LAMP3: variants seen among roughly 807,000 people sequenced by gnomAD.
LAMP3 encodes lysosome associated membrane protein 3, also known as lysosome-associated membrane glycoprotein 3.
Under a neutral mutation model 34.8 loss-of-function variants are expected in LAMP3, and 26 were observed. The observed-to-expected ratio is 0.75, with a 90% CI of 0.55 to 1.04. The LOEUF (loss-of-function observed/expected upper bound fraction) is 1.04. LAMP3 is among the 50% of genes least tolerant of loss of function. The pLI, the probability that LAMP3 is intolerant of heterozygous loss-of-function variation, is 0.00. For missense variants in LAMP3, 495 were observed against 524.0 expected (o/e 0.94, Z 0.54); for synonymous variants, 180 against 201.9 (o/e 0.89, Z 0.92).
chr3:183,158,295 G>A (rs993839289), intron 1 of LAMP3, among the ~76,000 whole-genome samples: 11 of 152,110 alleles, frequency 7.2e-5, no homozygotes, highest in African/African-American at 2.7e-4. Context: ...TGTCGAAATT[G>A]GGTCACAGTT....
intron 3 of LAMP3, among the ~76,000 whole-genome samples, chr3:183,146,780 G>C (rs1053606707): frequency 6.6e-6 from 1 of 151,576 alleles, no homozygotes; most frequent in African/African-American, 2.4e-5. Flanking sequence ...CACCCACCTC[G>C]GCCTCCCAAA....
At chr3:183,132,614 T>A (rs560698787) in intron 5 of LAMP3, 2 of 985,220 alleles carry the variant, frequency 2.0e-6, no homozygotes, top group Admixed American at 6.2e-5. Context: ...ACACCTGGCA[T>A]GGCCTCCCCA....
intron 3 of LAMP3, among the ~76,000 whole-genome samples, chr3:183,145,582 C>CAGTG (rs1303040422): frequency 6.6e-6 from 1 of 152,160 alleles, no homozygotes; most frequent in Non-Finnish European, 1.5e-5. Flanking sequence ...GGGCTGGGCA[C>CAGTG]AGTGGCTCAC....
chr3:183,124,097 C>T lies in LAMP3; in HGVS notation c.1235G>A (p.Gly412Glu), dbSNP rs370498587. ...GGGCAACAATTAGATTCTCTGGTAT[C>T]CAGATGATTGACACCTTAGGCGGAT... ...YKIRLRCQSS[G>E]YQRI The change falls in exon 6 of 6, where the codon GGA (glycine) becomes GAA (glutamate). Residue 412 changes from glycine (G) to glutamate (E), a missense_variant. Physicochemically the swap from Gly to Glu is moderately conservative, Grantham distance 98. Transcript: ENST00000265598. 11 of 1,613,966 alleles carry T rather than the reference C, an allele frequency of 6.8e-6. No homozygotes were observed. The African/African-American group carries it at 1.5e-4, about 22-fold the overall frequency.
intron 1 of LAMP3, among the ~76,000 whole-genome samples, chr3:183,156,112 C>T (rs756150994): frequency 3.7e-4 from 56 of 152,192 alleles, no homozygotes; most frequent in Non-Finnish European, 7.3e-4. Flanking sequence ...GTAATCCCAA[C>T]ACTTTGGGAG....
chr3:183,149,122 T>C (rs1720533621), intron 3 of LAMP3, among the ~76,000 whole-genome samples: 1 of 152,036 alleles, frequency 6.6e-6, no homozygotes, highest in African/African-American at 2.4e-5. Context: ...TCTCACTTAT[T>C]TGTGGAAATT....
chr3:183,153,002 C>T (rs1344394064), intron 2 of LAMP3, among the ~76,000 whole-genome samples: 6 of 151,854 alleles, frequency 4.0e-5, no homozygotes, highest in Non-Finnish European at 8.8e-5. Context: ...TAGTGAAACC[C>T]CGTCTCTACT....
intron 4 of LAMP3, among the ~76,000 whole-genome samples, chr3:183,136,665 A>AAAG (rs1553874646): frequency 6.8e-6 from 1 of 146,066 alleles, no homozygotes; most frequent in African/African-American, 2.6e-5. Context: ...AAAAAAAAAA[A>AAAG]AAAAACAACT....
At chr3:183,140,742 A>G in intron 3 of LAMP3, 147 bp from the exon 4 acceptor site, 1 of 517,600 alleles carries the variant, frequency 1.9e-6, no homozygotes, top group Non-Finnish European at 3.5e-6. Flanking sequence ...ATTGTGTATG[A>G]AAATTCCAAA....
At chr3:183,146,904 G>A (rs1467238164) in intron 3 of LAMP3, among the ~76,000 whole-genome samples, 1 of 151,590 alleles carries the variant, frequency 6.6e-6, no homozygotes, top group Non-Finnish European at 1.5e-5. Context: ...GCCTTATCTG[G>A]AACAATCAGA....
chr3:183,161,209 G>A (rs1397636444), intron 1 of LAMP3, among the ~76,000 whole-genome samples: 1 of 152,032 alleles, frequency 6.6e-6, no homozygotes, highest in African/African-American at 2.4e-5. Context: ...GAAGGGTCAG[G>A]GCAAGGGTTT....
At chr3:183,162,745 C>G (rs1207409987), upstream of LAMP3, 1 of 1,216,072 alleles carries the variant, frequency 8.2e-7, no homozygotes. Context: ...GCCGGAGAAA[C>G]GAAACCACCT....
chr3:183,140,070 C>G (rs966046372), intron 4 of LAMP3, among the ~76,000 whole-genome samples: 3 of 152,116 alleles, frequency 2.0e-5, no homozygotes, highest in African/African-American at 7.2e-5. Context: ...GTAGTAAAGT[C>G]CCCCAAAATC....
intron 2 of LAMP3, among the ~76,000 whole-genome samples, chr3:183,153,442 G>C (rs2108611624): frequency 6.6e-6 from 1 of 152,266 alleles, no homozygotes; most frequent in Non-Finnish European, 1.5e-5. Flanking sequence ...CTAAAAGTGA[G>C]GTGTGTGAAT....
rs184309305 is a variant in LAMP3, at chr3:183,125,948, G to A, written c.1118-1734C>T. Among the ~76,000 whole-genome samples the A allele has an allele frequency of 2.5e-3, 375 of 152,168 alleles. 2 individuals carry two copies. Among genetic ancestry groups the A allele is most frequent in the African/African-American group, 8.7e-3 (360 of 41,504 alleles). ...TTCCCAAAGTGCTGGGATTACAGGC[G>A]TGAGCCACCACACTTGGCCTATATT... On this transcript the variant is annotated intron_variant, in intron 5 of 5. Coordinates refer to ENST00000265598, the MANE Select transcript of LAMP3 (RefSeq NM_014398.4).
intron 5 of LAMP3, among the ~76,000 whole-genome samples, chr3:183,129,004 C>G (rs558871060): frequency 1.6e-4 from 24 of 152,292 alleles, no homozygotes; most frequent in Admixed American, 4.6e-4. Flanking sequence ...TGCCTGGCGA[C>G]AGAGCAAGAC....
At chr3:183,149,104 T>G (rs1021739606) in intron 3 of LAMP3, among the ~76,000 whole-genome samples, 14 of 152,066 alleles carry the variant, frequency 9.2e-5, no homozygotes, top group African/African-American at 3.4e-4. Context: ...AAGACAAACT[T>G]TGTACCTTCT....
chr3:183,159,034 G>A (rs544112216), intron 1 of LAMP3, among the ~76,000 whole-genome samples: 4 of 151,990 alleles, frequency 2.6e-5, no homozygotes, highest in East Asian at 1.9e-4. Flanking sequence ...CAGTAGCTGC[G>A]ACTACAGGCA....
chr3:183,149,574 A>AAAATATATAT (rs1720561533), intron 3 of LAMP3, among the ~76,000 whole-genome samples: 1 of 32,626 alleles, frequency 3.1e-5, no homozygotes, highest in Non-Finnish European at 5.1e-5. Context: ...AAAAAAAAAA[A>AAAATATATAT]ATATATATAT....
Sources: allele counts gnomAD v4.1 joint callset (sites outside exome capture counted in the v4.1 genomes callset), GRCh38; gene constraint gnomAD v4.1.1; transcripts MANE v1.5; gene names NCBI Gene and HGNC (gene_info 2026-07-23, HGNC 2026-07-21).